The following AK5 variants were observed in gnomAD, a reference collection of about 807,000 sequenced individuals.
AK5 encodes the protein adenylate kinase 5.
In AK5, 27 loss-of-function variants were observed where a neutral mutation model predicts 69.5. The observed-to-expected ratio is 0.39, with a 90% CI of 0.29 to 0.54. The LOEUF (loss-of-function observed/expected upper bound fraction) is 0.54, where lower values mean the gene tolerates loss of function less well. AK5 is among the 20% of genes least tolerant of loss of function. The pLI is 0.71. For synonymous variants in AK5, 260 were observed against 244.4 expected (o/e 1.06, Z -0.60); for missense variants, 531 against 700.4 (o/e 0.76, Z 2.73).
At chr1:77,395,550 G>A (rs1648771347) in intron 6 of AK5, among the ~76,000 whole-genome samples, 1 of 152,202 alleles carries the variant, frequency 6.6e-6, no homozygotes, top group Non-Finnish European at 1.5e-5. Context: ...ATAAAGAGAA[G>A]CAGATGTGGC....
At chr1:77,362,201 C>T (rs1223392873) in intron 6 of AK5, among the ~76,000 whole-genome samples, 2 of 152,100 alleles carry the variant, frequency 1.3e-5, no homozygotes, top group African/African-American at 2.4e-5. Flanking sequence ...AAAATGTTTG[C>T]AACTCACCCT....
chr1:77,329,230 T>C (rs1490196661), intron 5 of AK5, among the ~76,000 whole-genome samples: 1 of 151,000 alleles, frequency 6.6e-6, no homozygotes, highest in African/African-American at 2.4e-5. Flanking sequence ...TTCATTTTCA[T>C]GGTTAATCAT....
intron 6 of AK5, among the ~76,000 whole-genome samples, chr1:77,389,432 G>A (rs1038643738): frequency 6.6e-6 from 1 of 152,148 alleles, no homozygotes; most frequent in African/African-American, 2.4e-5. Context: ...GGGCCACTGA[G>A]GCTGCCTGAA....
At chr1:77,502,516 G>A (rs1037303514) in intron 10 of AK5, among the ~76,000 whole-genome samples, 3 of 152,092 alleles carry the variant, frequency 2.0e-5, no homozygotes, top group African/African-American at 4.8e-5. Flanking sequence ...AAATCATGAG[G>A]TTTAATTTTT....
At chr1:77,336,016 A>G (rs564979678) in intron 5 of AK5, among the ~76,000 whole-genome samples, 8 of 149,144 alleles carry the variant, frequency 5.4e-5, no homozygotes, top group Admixed American at 5.3e-4. Flanking sequence ...CTTTTTATTT[A>G]TTTGTGTATT....
chr1:77,343,281 A>G (rs1557512726), intron 6 of AK5, among the ~76,000 whole-genome samples: 1 of 152,154 alleles, frequency 6.6e-6, no homozygotes, highest in Non-Finnish European at 1.5e-5. Flanking sequence ...GGCCACAGAG[A>G]CCATGTCCCT....
rs1218910012 is a variant in AK5, at chr1:77,368,263, TTA to T, written c.891+27703_891+27704del. Among the ~76,000 whole-genome samples, 259 of 104,252 alleles carry T rather than the reference TTA, an allele frequency of 2.5e-3. 4 individuals are homozygous for T. The highest frequency in any genetic ancestry group is 8.7e-3 in the Middle Eastern group (2 of 230). 68.4% of individuals were successfully genotyped at this position (104,252 alleles called of 152,430 possible). A position where few individuals can be genotyped will look rare whatever the true frequency, so the allele number is the denominator to read the frequency against. On this transcript the variant is annotated intron_variant, in intron 6 of 13. Transcript: ENST00000354567. ...TATATATATATATATAATATATATG[TTA>T]TATATATGTTATATATGTTATATAT...
intron 13 of AK5, among the ~76,000 whole-genome samples, chr1:77,539,838 A>G (rs1158502682): frequency 4.6e-5 from 7 of 152,196 alleles, no homozygotes. Context: ...TACTGGACCC[A>G]AGACAGGGCT....
intron 6 of AK5, among the ~76,000 whole-genome samples, chr1:77,388,786 C>G (rs1330941631): frequency 6.6e-6 from 1 of 151,148 alleles, no homozygotes; most frequent in African/African-American, 2.4e-5. Context: ...CTTGAACTTT[C>G]TCCACTTGGC....
chr1:77,331,811 A>G (rs749073948), intron 5 of AK5, among the ~76,000 whole-genome samples: 1 of 152,168 alleles, frequency 6.6e-6, no homozygotes, highest in African/African-American at 2.4e-5. Context: ...CAGTGAAGCC[A>G]CCTAGGTCTA....
intron 10 of AK5, among the ~76,000 whole-genome samples, chr1:77,512,728 G>A (rs1025786610): frequency 6.6e-5 from 10 of 151,918 alleles, no homozygotes; most frequent in South Asian, 4.1e-4. Context: ...TGTTTATTGC[G>A]GCACTATTCA....
chr1:77,487,029 C>G (rs575822643), intron 10 of AK5, among the ~76,000 whole-genome samples: 21 of 152,344 alleles, frequency 1.4e-4, no homozygotes, highest in African/African-American at 4.8e-4. Context: ...AAATATAGCT[C>G]AATAGCCAGA....
intron 10 of AK5, among the ~76,000 whole-genome samples, chr1:77,493,372 C>A (rs1656113697): frequency 6.6e-6 from 1 of 152,004 alleles, no homozygotes; most frequent in African/African-American, 2.4e-5. Flanking sequence ...CTGAACTATA[C>A]TCCCCCACCT....
chr1:77,521,670 G>A (rs1312909442), intron 11 of AK5, among the ~76,000 whole-genome samples, 157 bp from the exon 12 acceptor site: 1 of 152,174 alleles, frequency 6.6e-6, no homozygotes, highest in Non-Finnish European at 1.5e-5. Context: ...ATATGGGGTG[G>A]AGGTGGAAGA....
At chr1:77,344,683 G>GT (rs1246441222) in intron 6 of AK5, among the ~76,000 whole-genome samples, 2 of 151,678 alleles carry the variant, frequency 1.3e-5, no homozygotes, top group African/African-American at 4.8e-5. Context: ...TCTTGTAAAA[G>GT]TTTTTTTCAA....
chr1:77,459,313 C>T (rs1302023029), intron 8 of AK5, among the ~76,000 whole-genome samples: 1 of 152,128 alleles, frequency 6.6e-6, no homozygotes. Context: ...CCTTGCTCAC[C>T]TCTCCAGCCT....
At chr1:77,471,861 T>C (rs920360297) in intron 8 of AK5, among the ~76,000 whole-genome samples, 1 of 152,242 alleles carries the variant, frequency 6.6e-6, no homozygotes, top group Non-Finnish European at 1.5e-5. Context: ...TGTAGGAGCA[T>C]TGAACATTGT....
At chr1:77,517,280 C>T (rs1165752266) in intron 10 of AK5, among the ~76,000 whole-genome samples, 1 of 152,130 alleles carries the variant, frequency 6.6e-6, no homozygotes, top group Non-Finnish European at 1.5e-5. Context: ...AAAGCCCCTC[C>T]GATTCTGACA....
chr1:77,355,415 A>C (rs1370720177), intron 6 of AK5, among the ~76,000 whole-genome samples: 1 of 152,224 alleles, frequency 6.6e-6, no homozygotes, highest in Non-Finnish European at 1.5e-5. Context: ...TTAAAATTGT[A>C]AGAGAAGAGA....
Sources: allele counts gnomAD v4.1 joint callset (sites outside exome capture counted in the v4.1 genomes callset), GRCh38; gene constraint gnomAD v4.1.1; transcripts MANE v1.5; gene names NCBI Gene and HGNC (gene_info 2026-07-23, HGNC 2026-07-21).